The following KCTD8 variants were observed in gnomAD, a reference collection of about 807,000 sequenced individuals.
The protein encoded by KCTD8 is BTB/POZ domain-containing protein KCTD8.
Under a neutral mutation model 31.5 loss-of-function variants are expected in KCTD8, and 27 were observed. The ratio of observed to expected loss-of-function variants is 0.86; its 90% CI spans 0.63 to 1.18. The LOEUF is 1.18. Among genes scored for constraint, KCTD8 ranks in the 50% most tolerant of loss-of-function variants. KCTD8 has a pLI of 0.00. For synonymous variants in KCTD8, 290 were observed against 280.0 expected (o/e 1.04, Z -0.36); for missense variants, 658 against 647.7 (o/e 1.02, Z -0.17).
chr4:44,356,648 T>C (rs1392982224), intron 1 of KCTD8, among the ~76,000 whole-genome samples: 1 of 152,134 alleles, frequency 6.6e-6, no homozygotes, highest in African/African-American at 2.4e-5. Flanking sequence ...TGTTTGTATT[T>C]TTGGTAGAGA....
At chr4:44,347,344 T>C (rs1560432183) in intron 1 of KCTD8, among the ~76,000 whole-genome samples, 1 of 152,154 alleles carries the variant, frequency 6.6e-6, no homozygotes, top group African/African-American at 2.4e-5. Flanking sequence ...TCTTCAATAT[T>C]ACCAATGTGG....
intron 1 of KCTD8, among the ~76,000 whole-genome samples, chr4:44,414,447 G>A (rs540057441): frequency 6.6e-6 from 1 of 152,204 alleles, no homozygotes; most frequent in Non-Finnish European, 1.5e-5. Context: ...AGTGCTCTGG[G>A]TAGTGGGCTA....
At chr4:44,253,332 G>T (rs1260307524) in intron 1 of KCTD8, among the ~76,000 whole-genome samples, 1 of 151,416 alleles carries the variant, frequency 6.6e-6, no homozygotes, top group African/African-American at 2.4e-5. Context: ...TGGCTATTCA[G>T]ATTTATAATT....
intron 1 of KCTD8, among the ~76,000 whole-genome samples, chr4:44,281,604 T>C (rs1339725032): frequency 6.6e-6 from 1 of 152,160 alleles, no homozygotes; most frequent in East Asian, 1.9e-4. Context: ...GGTGATTTAC[T>C]GTTGCCGTTC....
At chr4:44,407,243 A>T (rs1720821916) in intron 1 of KCTD8, among the ~76,000 whole-genome samples, 1 of 152,088 alleles carries the variant, frequency 6.6e-6, no homozygotes, top group Non-Finnish European at 1.5e-5. Flanking sequence ...TGCCTTCAAA[A>T]ATCTCCTATT....
intron 1 of KCTD8, among the ~76,000 whole-genome samples, chr4:44,404,367 C>A (rs1284414226): frequency 6.6e-6 from 1 of 152,092 alleles, no homozygotes; most frequent in Non-Finnish European, 1.5e-5. Context: ...CTTCTATGTA[C>A]ATAAGGGTTA....
rs964324529 is a variant in KCTD8, at chr4:44,448,014, C to A, written c.510G>T (p.Ser170=). The change falls in exon 1 of 2, where the codon TCG becomes TCT. Residue 170 remains serine (S), a synonymous_variant. Coordinates refer to ENST00000360029, the MANE Select transcript of KCTD8 (RefSeq NM_198353.3). The surrounding 1 kb of genome is among the most constrained non-coding windows in gnomAD (Gnocchi z 4.1). ...GCQSDLEDNV[S]QGSSDALLLR... Reference sequence around the variant, plus strand: ...GCAGCAGCGCGTCGCTGCTACCCTGCGAGACGTTGTCCTCCAGGTCGCTCT... The same window carrying A: ...GCAGCAGCGCGTCGCTGCTACCCTGAGAGACGTTGTCCTCCAGGTCGCTCT... 2.5e-6 allele frequency: 4 copies of A among 1,596,620 alleles called. No homozygotes were observed. The highest frequency in any genetic ancestry group is 2.3e-5 in the East Asian group (1 of 43,814).
chr4:44,245,111 A>C (rs1577572686), intron 1 of KCTD8, among the ~76,000 whole-genome samples: 2 of 152,182 alleles, frequency 1.3e-5, no homozygotes, highest in African/African-American at 4.8e-5. Context: ...GGGAAAAACA[A>C]GTACAAACTT....
At chr4:44,182,380 A>G (rs953521219) in intron 1 of KCTD8, among the ~76,000 whole-genome samples, 2 of 152,364 alleles carry the variant, frequency 1.3e-5, no homozygotes, top group South Asian at 2.1e-4. Flanking sequence ...TAGAGAAATC[A>G]GGTTGTTGCT....
At chr4:44,401,558 C>A (rs1249928370) in intron 1 of KCTD8, among the ~76,000 whole-genome samples, 2 of 152,256 alleles carry the variant, frequency 1.3e-5, no homozygotes, top group East Asian at 1.9e-4. Flanking sequence ...CATTATCATA[C>A]AACATGGCCC....
intron 1 of KCTD8, among the ~76,000 whole-genome samples, chr4:44,382,808 A>T (rs1720109717): frequency 6.6e-6 from 1 of 152,054 alleles, no homozygotes; most frequent in Non-Finnish European, 1.5e-5. Context: ...TGAAACTTCT[A>T]GTCAGAGCAA....
In KCTD8 at chr4:44,448,105, G is replaced by T. The variant is rs146302810; in HGVS notation, c.419C>A (p.Thr140Asn). 4 of 1,612,562 alleles carry T rather than the reference G, an allele frequency of 2.5e-6. No individual in the cohort carries two copies. The African/African-American group carries it at 5.3e-5, about 22-fold the overall frequency. Residue 140 changes from threonine (T) to asparagine (N), a missense_variant, in exon 1 of 2, where the codon ACC becomes AAC. Thr to Asn is a moderately conservative substitution (Grantham distance 65). Coordinates refer to ENST00000360029, the MANE Select transcript of KCTD8 (RefSeq NM_198353.3). The surrounding 1 kb of genome is among the most constrained non-coding windows in gnomAD (Gnocchi z 4.1). Reference protein sequence around the residue: ...LLREAEYFQLTDLVKLLSPKV... With the variant: ...LLREAEYFQLNDLVKLLSPKV... ...GGGCGACAGCAGCTTGACCAAGTCGGTGAGCTGGAAATACTCGGCCTCGCG... is the reference window on the plus strand; with the variant it reads ...GGGCGACAGCAGCTTGACCAAGTCGTTGAGCTGGAAATACTCGGCCTCGCG...
rs545677313 is a variant in KCTD8 at position 44,225,785 on chromosome 4, A to G, written c.962-50535T>C. Reference sequence around the variant, plus strand: ...TACGTGTGCCATGGTGGTTTGCTGCACCTATCAACCCGTCACCTAGGTTTT... The same window carrying G: ...TACGTGTGCCATGGTGGTTTGCTGCGCCTATCAACCCGTCACCTAGGTTTT... On this transcript the variant is annotated intron_variant, in intron 1 of 1. Coordinates refer to ENST00000360029, the MANE Select transcript of KCTD8 (RefSeq NM_198353.3). Among the ~76,000 whole-genome samples, 45 of 145,444 alleles carry G rather than the reference A, an allele frequency of 3.1e-4. 1 individual carries two copies. Among genetic ancestry groups the G allele is most frequent in the Admixed American group, 2.5e-3 (36 of 14,492 alleles).
intron 1 of KCTD8, among the ~76,000 whole-genome samples, chr4:44,412,066 A>G (rs1337922833): frequency 2.0e-5 from 3 of 152,206 alleles, no homozygotes; most frequent in East Asian, 3.8e-4. Flanking sequence ...AATCTAGAAC[A>G]CTAAAAGTGA....
intron 1 of KCTD8, among the ~76,000 whole-genome samples, chr4:44,195,729 T>C (rs1451633573): frequency 3.3e-5 from 5 of 152,182 alleles, no homozygotes; most frequent in African/African-American, 1.2e-4. Flanking sequence ...GGTAACAATT[T>C]GAAAAGTTAC....
At chr4:44,392,016 T>TA (rs1022029624) in intron 1 of KCTD8, among the ~76,000 whole-genome samples, 23 of 152,104 alleles carry the variant, frequency 1.5e-4, no homozygotes, top group African/African-American at 4.8e-4. Context: ...AGAAGACTCT[T>TA]ACGGAGTCTT....
rs558253753 is a variant in KCTD8, at chr4:44,224,952, G to A, written c.962-49702C>T. On this transcript the variant is annotated intron_variant, in intron 1 of 1. Transcript: ENST00000360029. ...CAAGGAGGTCACACTCATTGCTTCC[G>A]CCCACATTTCATTGGTAAGAACTAG... Among the ~76,000 whole-genome samples, 18 of 152,190 alleles carry A rather than the reference G, an allele frequency of 1.2e-4. No homozygotes were observed. In the South Asian group the frequency reaches 2.1e-3, roughly 18 times the overall value.
intron 1 of KCTD8, among the ~76,000 whole-genome samples, chr4:44,331,656 A>G (rs994675884): frequency 6.6e-6 from 1 of 150,590 alleles, no homozygotes; most frequent in African/African-American, 2.4e-5. Context: ...TATAAAATGT[A>G]TATATTTTTA....
chr4:44,219,016 C>T (rs1178577487), intron 1 of KCTD8, among the ~76,000 whole-genome samples: 1 of 152,152 alleles, frequency 6.6e-6, no homozygotes, highest in African/African-American at 2.4e-5. Context: ...CTGACTTATC[C>T]TCCACCACCT....
Sources: allele counts gnomAD v4.1 joint callset (sites outside exome capture counted in the v4.1 genomes callset), GRCh38; gene constraint gnomAD v4.1.1; non-coding constraint Gnocchi (gnomAD v3.1); transcripts MANE v1.5; gene names NCBI Gene and HGNC (gene_info 2026-07-23, HGNC 2026-07-21).